The following FER variants were observed in gnomAD, a reference collection of about 807,000 sequenced individuals.
FER encodes tyrosine-protein kinase Fer.
A neutral mutation model predicts 111.0 loss-of-function variants in FER; 63 were observed. The ratio of observed to expected loss-of-function variants is 0.57; its 90% CI spans 0.46 to 0.70. The LOEUF is 0.70. FER is among the 30% of genes least tolerant of loss of function. The pLI, the probability that FER is intolerant of heterozygous loss-of-function variation, is 0.00. For missense variants in FER, 914 were observed against 954.0 expected (o/e 0.96, Z 0.55); for synonymous variants, 327 against 313.9 (o/e 1.04, Z -0.44).
chr5:109,145,830 G>C (rs1457498718), intron 17 of FER, among the ~76,000 whole-genome samples: 1 of 151,468 alleles, frequency 6.6e-6, no homozygotes, highest in Non-Finnish European at 1.5e-5. Flanking sequence ...GTTTCTACTT[G>C]CTTTTTTTAA....
At chr5:108,952,620 G>T (rs998159066) in intron 11 of FER, among the ~76,000 whole-genome samples, 1 of 138,778 alleles carries the variant, frequency 7.2e-6, no homozygotes, top group Non-Finnish European at 1.7e-5. Context: ...TAGAATTGAA[G>T]TGTGATCTTT....
chr5:109,085,646 G>A (rs1777483600), intron 16 of FER, among the ~76,000 whole-genome samples: 1 of 151,660 alleles, frequency 6.6e-6, no homozygotes. Flanking sequence ...AGAGATAAGT[G>A]TTCAATATTT....
intron 17 of FER, among the ~76,000 whole-genome samples, chr5:109,167,432 G>A (rs1756670254): frequency 1.3e-5 from 2 of 152,114 alleles, no homozygotes; most frequent in Non-Finnish European, 2.9e-5. Flanking sequence ...ACTTAGTAAT[G>A]TTTCCTGATT....
chr5:109,029,151 CAG>C (rs943441927), intron 13 of FER, among the ~76,000 whole-genome samples: 3 of 151,192 alleles, frequency 2.0e-5, no homozygotes, highest in Non-Finnish European at 4.4e-5. Context: ...ACTTTCCTCA[CAG>C]AGTTATTGTG....
chr5:108,770,653 T>A (rs1752803117), intron 2 of FER, among the ~76,000 whole-genome samples: 1 of 152,080 alleles, frequency 6.6e-6, no homozygotes, highest in Admixed American at 6.6e-5. Flanking sequence ...TGGGACTACA[T>A]CTGTGAACTA....
intron 3 of FER, among the ~76,000 whole-genome samples, chr5:108,824,752 G>A (rs928528103): frequency 3.2e-4 from 48 of 152,094 alleles, no homozygotes; most frequent in African/African-American, 1.1e-3. Flanking sequence ...TATTAATTCA[G>A]TTTTTTAAAA....
intron 3 of FER, among the ~76,000 whole-genome samples, chr5:108,800,120 T>C (rs1194853739): frequency 2.0e-5 from 3 of 152,122 alleles, no homozygotes; most frequent in Admixed American, 6.6e-5. Flanking sequence ...AACGGAGTCA[T>C]CTGACCTCAT....
At chr5:108,925,372 G>A (rs897261526) in intron 10 of FER, among the ~76,000 whole-genome samples, 1 of 151,896 alleles carries the variant, frequency 6.6e-6, no homozygotes, top group Non-Finnish European at 1.5e-5. Context: ...ATAGTTCAAT[G>A]CTAATTTTGT....
intron 17 of FER, among the ~76,000 whole-genome samples, chr5:109,123,736 T>C (rs576576043): frequency 8.2e-4 from 125 of 152,318 alleles, no homozygotes; most frequent in Middle Eastern, 3.4e-3. Context: ...TCTTATATTA[T>C]CGATCAGACT....
chr5:108,867,022 G>C (rs1468049351), intron 5 of FER, among the ~76,000 whole-genome samples: 1 of 152,030 alleles, frequency 6.6e-6, no homozygotes, highest in East Asian at 1.9e-4. Context: ...ACCTAGAACT[G>C]CACTACCTAA....
chr5:108,813,785 ACTC>A (rs1323520324), intron 3 of FER, among the ~76,000 whole-genome samples: 1 of 151,002 alleles, frequency 6.6e-6, no homozygotes, highest in African/African-American at 2.4e-5. Flanking sequence ...TTCTTCCCTC[ACTC>A]CTCCTTTTCT....
At chr5:109,111,421 G>A (rs895433697) in intron 17 of FER, among the ~76,000 whole-genome samples, 1 of 152,028 alleles carries the variant, frequency 6.6e-6, no homozygotes, top group East Asian at 1.9e-4. Flanking sequence ...GAAAGATTAT[G>A]TACTCTAAAG....
At chr5:109,124,330 G>T (rs1451312807) in intron 17 of FER, among the ~76,000 whole-genome samples, 2 of 152,216 alleles carry the variant, frequency 1.3e-5, no homozygotes, top group Non-Finnish European at 2.9e-5. Context: ...ACTAAATGCT[G>T]TGGGAAATTA....
At chr5:109,058,750 T>G (rs1206900040) in intron 16 of FER, among the ~76,000 whole-genome samples, 5 of 137,624 alleles carry the variant, frequency 3.6e-5, no homozygotes, top group Non-Finnish European at 7.9e-5. Context: ...TTTTTTTTTT[T>G]GAGACGGAGT....
intron 10 of FER, among the ~76,000 whole-genome samples, chr5:108,918,819 T>G (rs1752630652): frequency 6.6e-6 from 1 of 152,192 alleles, no homozygotes; most frequent in South Asian, 2.1e-4. Flanking sequence ...AATCCTTTCT[T>G]AGTGTCATTT....
intron 1 of FER, among the ~76,000 whole-genome samples, chr5:108,751,534 A>G (rs1750512694): frequency 6.6e-6 from 1 of 152,230 alleles, no homozygotes; most frequent in South Asian, 2.1e-4. Context: ...ATAGTTTTGT[A>G]CTTGATTTAT....
chr5:108,982,452 A>G (rs1271215619), intron 13 of FER, among the ~76,000 whole-genome samples: 1 of 152,078 alleles, frequency 6.6e-6, no homozygotes, highest in African/African-American at 2.4e-5. Context: ...ATCATCTCCA[A>G]GCATCCTAAT....
chr5:109,048,568 G>A (rs984416856), intron 16 of FER, among the ~76,000 whole-genome samples: 3 of 152,148 alleles, frequency 2.0e-5, no homozygotes, highest in South Asian at 2.1e-4. Flanking sequence ...AGATAGCTTT[G>A]TAGAGGAGCC....
intron 17 of FER, among the ~76,000 whole-genome samples, chr5:109,120,389 T>A (rs751942136): frequency 2.0e-5 from 3 of 152,040 alleles, no homozygotes; most frequent in Non-Finnish European, 2.9e-5. Context: ...GCTCTCTCTG[T>A]CAAAAGTGTG....
Sources: gnomAD v4.1 joint callset for allele counts (sites outside exome capture counted in the v4.1 genomes callset) on GRCh38, gnomAD v4.1.1 for gene constraint, MANE v1.5 for transcripts, NCBI Gene and HGNC (gene_info 2026-07-23, HGNC 2026-07-21) for gene names.